The following ADCY1 variants were observed in gnomAD, a reference collection of about 807,000 sequenced individuals.
ADCY1 encodes the protein adenylate cyclase 1, also known as adenylate cyclase type 1.
Under a neutral mutation model 105.4 loss-of-function variants are expected in ADCY1, and 28 were observed. The observed-to-expected ratio is 0.27, with a 90% confidence interval of 0.20 to 0.36. The LOEUF is 0.36. Among genes scored for constraint, ADCY1 ranks in the 10% least tolerant of loss-of-function variants. The pLI is 1.00. For synonymous variants in ADCY1, 655 were observed against 623.8 expected, an observed-to-expected ratio of 1.05 and a Z score of -0.75; for missense variants, 977 against 1,434.2, an observed-to-expected ratio of 0.68 and a Z score of 5.15.
chr7:45,603,600 C>T (rs1194321510), intron 2 of ADCY1, among the ~76,000 whole-genome samples: 2 of 152,166 alleles, frequency 1.3e-5, no homozygotes, highest in African/African-American at 4.8e-5. Flanking sequence ...AACTGTGGTA[C>T]AATATCACAA....
intron 4 of ADCY1, among the ~76,000 whole-genome samples, chr7:45,637,864 T>C (rs1049550603): frequency 6.6e-6 from 1 of 152,240 alleles, no homozygotes; most frequent in African/African-American, 2.4e-5. Flanking sequence ...ACATGGAGAA[T>C]TCTAGGTTGA....
Position 45,718,469 on chromosome 7 carries a change from G to C in ADCY1, c.*4474G>C, listed in dbSNP as rs1321246110. ...AGGCTTGCCTGGGTGTGAGAAGGTC[G>C]AACTGGGTGGCTTAGGCCTTCAAAT... On this transcript the variant is annotated 3_prime_UTR_variant, in exon 20 of 20. Coordinates refer to ENST00000297323, the MANE Select transcript of ADCY1 (RefSeq NM_021116.4). The C allele has an allele frequency of 1.3e-5, 2 of 152,224 alleles. No individual in the cohort carries two copies. The highest frequency in any genetic ancestry group is 6.5e-5 in the Admixed American group (1 of 15,284). 9.4% of individuals were successfully genotyped at this position (152,224 alleles called of 1,614,324 possible).
At chr7:45,633,717 G>A (rs137914828) in intron 4 of ADCY1, among the ~76,000 whole-genome samples, 2,083 of 150,474 alleles carry the variant, frequency 0.014, 153 homozygotes, top group Admixed American at 0.12. Flanking sequence ...CAGGAGAATC[G>A]CTTGAACCCG....
Position 45,629,374 on chromosome 7 carries a change from T to C in ADCY1, c.1020+6631T>C, listed in dbSNP as rs1434151861. Reference sequence around the variant, plus strand: ...TATTCACTTTTTGATGGACATTTGGTTATTTCTAGGTGTTGGTTATTACAA... The same window carrying C: ...TATTCACTTTTTGATGGACATTTGGCTATTTCTAGGTGTTGGTTATTACAA... On this transcript the variant is annotated intron_variant, in intron 4 of 19. Transcript: ENST00000297323. Among the ~76,000 whole-genome samples the C allele has an allele frequency of 2.0e-5, 3 of 152,246 alleles. No individual in the cohort carries two copies. The East Asian group carries it at 5.8e-4, about 29-fold the overall frequency.
rs768860852 is a variant in ADCY1, at chr7:45,627,668, C to T, written c.1020+4925C>T. ...AGGGGCTGGGGTGGCCTACAACAGG[C>T]ACTTTTTGGCCAGCAGGAGCCTCAT... On this transcript the variant is annotated intron_variant, in intron 4 of 19. Transcript: ENST00000297323. 3.9e-5 allele frequency among the ~76,000 whole-genome samples: 6 copies of T among 152,276 alleles called. No homozygotes were observed. The South Asian group carries it at 1.2e-3, about 32-fold the overall frequency.
Position 45,610,516 on chromosome 7 carries a change from C to T in ADCY1, c.908+19C>T, listed in dbSNP as rs375484859. ...ATGTGAGGTAGGGCTGGTGCTGACC[C>T]GGCACAGCGGGGAGCCTGGGAAGCT... is the stretch of plus-strand genomic sequence containing the variant. On this transcript the variant is annotated intron_variant, in intron 3 of 19. Transcript: ENST00000297323. 145 of 1,600,344 alleles carry T rather than the reference C, an allele frequency of 9.1e-5. No individual in the cohort carries two copies. Among genetic ancestry groups the T allele is most frequent in the Middle Eastern group, 8.3e-4 (5 of 6,048 alleles).
In ADCY1 at chr7:45,722,175, C is replaced by T. The variant is rs146435418; in HGVS notation, c.*8180C>T. The T allele has an allele frequency of 4.1e-3, 1,002 of 246,764 alleles. 5 individuals are homozygous for T. Among genetic ancestry groups the T allele is most frequent in the African/African-American group, 0.018 (834 of 45,324 alleles). 15.3% of individuals were successfully genotyped at this position (246,764 alleles called of 1,614,324 possible). On this transcript the variant is annotated 3_prime_UTR_variant, in exon 20 of 20. Coordinates refer to ENST00000297323, the MANE Select transcript of ADCY1 (RefSeq NM_021116.4). ...GGGGGATCCTGAGGGAGCCCATCACCGCCTCTTGCATACAACTGTCCACTA... is the reference window on the plus strand; with the variant it reads ...GGGGGATCCTGAGGGAGCCCATCACTGCCTCTTGCATACAACTGTCCACTA...
intron 8 of ADCY1, among the ~76,000 whole-genome samples, chr7:45,669,393 T>C (rs886393723): frequency 6.6e-6 from 1 of 152,236 alleles, no homozygotes; most frequent in Non-Finnish European, 1.5e-5. Flanking sequence ...ATGTACCCAG[T>C]AGTCATTCAG....
intron 14 of ADCY1, among the ~76,000 whole-genome samples, chr7:45,695,158 A>G (rs1395831108): frequency 2.0e-5 from 3 of 152,154 alleles, no homozygotes; most frequent in African/African-American, 7.2e-5. Flanking sequence ...ACTTATTCCC[A>G]TCACTCAAGG....
In ADCY1 at chr7:45,678,278, C is replaced by CAACG; in HGVS notation, c.1898+17_1898+20dup. 1 of 1,608,258 alleles carries CAACG rather than the reference C, an allele frequency of 6.2e-7. No individual in the cohort carries two copies. Among genetic ancestry groups the CAACG allele is most frequent in the South Asian group, 1.1e-5 (1 of 90,958 alleles). On this transcript the variant is annotated intron_variant, in intron 10 of 19. Coordinates refer to ENST00000297323, the MANE Select transcript of ADCY1 (RefSeq NM_021116.4). ...ATATTCCCACAGTGAGTATTTCTAT[C>CAACG]AACGAGGTGAGGAACTCACCAAGAA...
intron 4 of ADCY1, among the ~76,000 whole-genome samples, chr7:45,633,675 G>A (rs1287886864): frequency 5.9e-5 from 9 of 151,728 alleles, no homozygotes; most frequent in Admixed American, 1.3e-4. Context: ...GGTGGCGGGC[G>A]CCCGTAGTCC....
At position 45,686,110 on chromosome 7, in the gene ADCY1, T is replaced by C; in HGVS notation, c.2222T>C (p.Leu741Pro). The C allele has an allele frequency of 4.3e-6, 7 of 1,614,124 alleles. No homozygotes were observed. Among genetic ancestry groups the C allele is most frequent in the Non-Finnish European group, 5.9e-6 (7 of 1,180,000 alleles). The change falls in exon 13 of 20, where the codon CTA becomes CCA. Residue 741 changes from leucine to proline, a missense_variant. Physicochemically the swap from Leu to Pro is moderately conservative, Grantham distance 98 (BLOSUM62 -3). This residue lies in a region of ADCY1 where 275 missense variants were observed against 362.1 expected (regional missense o/e 0.76). Transcript: ENST00000297323. The surrounding 1 kb of genome is among the most constrained non-coding windows in gnomAD (Gnocchi z 4.3). Reference sequence around the variant, plus strand: ...TGCTGCCTGGTGGGCACCCTCCCGCTAGCCATATTTTTCCGGGTGTCCTCC... The same window carrying C: ...TGCTGCCTGGTGGGCACCCTCCCGCCAGCCATATTTTTCCGGGTGTCCTCC... ...LLCCLVGTLP[L>P]AIFFRVSSLP...
chr7:45,632,988 G>A (rs1794300185), intron 4 of ADCY1, among the ~76,000 whole-genome samples: 1 of 152,098 alleles, frequency 6.6e-6, no homozygotes, highest in African/African-American at 2.4e-5. Context: ...TGTGATCTTG[G>A]CTCACTGCAA....
intron 14 of ADCY1, among the ~76,000 whole-genome samples, chr7:45,702,756 G>C (rs142349060): frequency 5.9e-5 from 9 of 152,360 alleles, no homozygotes; most frequent in Admixed American, 2.6e-4. Flanking sequence ...CTGCTCTGCC[G>C]TGTCCTCTCC....
At chr7:45,655,090 A>G (rs1794902928) in intron 5 of ADCY1, among the ~76,000 whole-genome samples, 2 of 152,198 alleles carry the variant, frequency 1.3e-5, no homozygotes, top group Admixed American at 6.5e-5. Context: ...GTGCACAGCT[A>G]TAGCTACAGT....
intron 5 of ADCY1, among the ~76,000 whole-genome samples, chr7:45,653,098 G>T (rs1794853392): frequency 6.6e-6 from 1 of 152,230 alleles, no homozygotes; most frequent in African/African-American, 2.4e-5. Context: ...TACATTCCCT[G>T]TTTGGGCCAG....
At chr7:45,638,320 G>A (rs1488319339) in intron 4 of ADCY1, among the ~76,000 whole-genome samples, 1 of 152,094 alleles carries the variant, frequency 6.6e-6, no homozygotes, top group African/African-American at 2.4e-5. Context: ...TTGGATAGTA[G>A]CTATTTTCTT....
At chr7:45,687,491 C>A (rs1248085359) in intron 14 of ADCY1, among the ~76,000 whole-genome samples, 1 of 152,222 alleles carries the variant, frequency 6.6e-6, no homozygotes, top group Admixed American at 6.5e-5. Flanking sequence ...CATTTAGGAC[C>A]AGGCTACCTG....
At chr7:45,597,488 G>A (rs993997753) in intron 2 of ADCY1, among the ~76,000 whole-genome samples, 1 of 152,148 alleles carries the variant, frequency 6.6e-6, no homozygotes, top group Non-Finnish European at 1.5e-5. Context: ...TTTACCAGCC[G>A]GGATGCATCC....
Sources: allele counts gnomAD v4.1 joint callset (sites outside exome capture counted in the v4.1 genomes callset), GRCh38; gene constraint gnomAD v4.1.1; regional missense constraint gnomAD v4.1.1; non-coding constraint Gnocchi (gnomAD v3.1); transcripts MANE v1.5; gene names NCBI Gene and HGNC (gene_info 2026-07-23, HGNC 2026-07-21).